The following RPS6KC1 variants were observed in gnomAD, a reference collection of about 807,000 sequenced individuals.
The protein encoded by RPS6KC1 is ribosomal protein S6 kinase C1.
Under a neutral mutation model 103.8 loss-of-function variants are expected in RPS6KC1, and 54 were observed. That is an observed-to-expected ratio of 0.52 (90% CI 0.42 to 0.65). RPS6KC1 has a LOEUF of 0.65. RPS6KC1 is among the 30% of genes least tolerant of loss of function. RPS6KC1 has a pLI of 0.00. For missense variants in RPS6KC1, 1,151 were observed against 1,253.8 expected (o/e 0.92, Z 1.24); for synonymous variants, 439 against 438.7 (o/e 1.00, Z -0.01).
At chr1:213,492,646 T>C in the RPS6KC1 span, 1 of 152,264 alleles carries the variant, frequency 6.6e-6, no homozygotes, top group Non-Finnish European at 1.5e-5. Flanking sequence ...GAATGTCATA[T>C]AATAGGCATC....
intron 5 of RPS6KC1, among the ~76,000 whole-genome samples, chr1:213,127,420 T>C (rs558773197): frequency 1.4e-4 from 21 of 152,308 alleles, no homozygotes; most frequent in African/African-American, 5.0e-4. Context: ...CTTTTTAATA[T>C]GCTGTGTGAA....
At chr1:213,468,622 C>T in the RPS6KC1 span, among the ~76,000 whole-genome samples, 1 of 152,076 alleles carries the variant, frequency 6.6e-6, no homozygotes, top group East Asian at 1.9e-4. Context: ...TGAAGAACAT[C>T]TGTCTGAGGT....
chr1:213,658,812 C>T, the RPS6KC1 span, among the ~76,000 whole-genome samples: 3 of 152,160 alleles, frequency 2.0e-5, no homozygotes, highest in East Asian at 5.8e-4. Context: ...TTTCTCATCC[C>T]CTACTTTGCT....
chr1:213,302,547 C>T, the RPS6KC1 span, among the ~76,000 whole-genome samples: 2 of 152,214 alleles, frequency 1.3e-5, no homozygotes, highest in African/African-American at 4.8e-5. Flanking sequence ...ATTTGTAATA[C>T]TTACATTCCT....
At chr1:213,549,943 A>T in the RPS6KC1 span, among the ~76,000 whole-genome samples, 1 of 152,068 alleles carries the variant, frequency 6.6e-6, no homozygotes, top group African/African-American at 2.4e-5. Context: ...CTTCTAGGGT[A>T]TTCAGGCCAG....
At chr1:213,579,472 G>T in the RPS6KC1 span, among the ~76,000 whole-genome samples, 1 of 152,192 alleles carries the variant, frequency 6.6e-6, no homozygotes, top group East Asian at 1.9e-4. Context: ...TGATGCAGAA[G>T]TTGTTAAGTT....
At chr1:213,167,472 AC>A (rs1558462352) in intron 6 of RPS6KC1, among the ~76,000 whole-genome samples, 22 of 145,186 alleles carry the variant, frequency 1.5e-4, no homozygotes, top group African/African-American at 3.8e-4. Flanking sequence ...ACACACACAC[AC>A]ACACACACAC....
At chr1:213,469,409 C>G in the RPS6KC1 span, among the ~76,000 whole-genome samples, 2 of 152,076 alleles carry the variant, frequency 1.3e-5, no homozygotes, top group African/African-American at 4.8e-5. Context: ...CATATATATG[C>G]CTATCCATCC....
the RPS6KC1 span, among the ~76,000 whole-genome samples, chr1:213,405,244 T>C: frequency 6.6e-6 from 1 of 152,260 alleles, no homozygotes; most frequent in South Asian, 2.1e-4. Flanking sequence ...GGCATTGGGA[T>C]ACGGAGGATA....
At chr1:213,768,964 G>A in the RPS6KC1 span, among the ~76,000 whole-genome samples, 1 of 152,206 alleles carries the variant, frequency 6.6e-6, no homozygotes, top group East Asian at 1.9e-4. Flanking sequence ...GTGAAGATAA[G>A]CCCCGTTCAC....
At chr1:213,184,076 C>T (rs1212509911) in intron 8 of RPS6KC1, among the ~76,000 whole-genome samples, 2 of 152,052 alleles carry the variant, frequency 1.3e-5, no homozygotes, top group African/African-American at 2.4e-5. Context: ...ATTTGAATGG[C>T]TCTTTAACTA....
the RPS6KC1 span, among the ~76,000 whole-genome samples, chr1:213,451,849 A>C: frequency 6.6e-6 from 1 of 152,102 alleles, no homozygotes; most frequent in African/African-American, 2.4e-5. Context: ...TCCCGGATGG[A>C]AGGCTCGCCT....
At chr1:213,355,387 G>C in the RPS6KC1 span, among the ~76,000 whole-genome samples, 1 of 152,098 alleles carries the variant, frequency 6.6e-6, no homozygotes, top group Admixed American at 6.5e-5. Context: ...TTGCAGAATC[G>C]GGAGCTGTAG....
chr1:213,473,947 A>C, the RPS6KC1 span, among the ~76,000 whole-genome samples: 1 of 152,160 alleles, frequency 6.6e-6, no homozygotes, highest in Non-Finnish European at 1.5e-5. Flanking sequence ...GGAGTCACTG[A>C]CCTTAGACCT....
chr1:213,416,827 G>T, the RPS6KC1 span, among the ~76,000 whole-genome samples: 1 of 152,144 alleles, frequency 6.6e-6, no homozygotes, highest in African/African-American at 2.4e-5. Flanking sequence ...CTTGAAGAGG[G>T]ACTGGGGTCT....
At chr1:213,643,331 G>A in the RPS6KC1 span, among the ~76,000 whole-genome samples, 1 of 151,526 alleles carries the variant, frequency 6.6e-6, no homozygotes, top group African/African-American at 2.4e-5. Flanking sequence ...AAGCTTTATA[G>A]TCCTTTTTTT....
the RPS6KC1 span, among the ~76,000 whole-genome samples, chr1:213,423,130 G>A: frequency 6.6e-6 from 1 of 152,198 alleles, no homozygotes; most frequent in East Asian, 1.9e-4. Flanking sequence ...CACATGACCT[G>A]CTCCTTTTCC....
intron 8 of RPS6KC1, among the ~76,000 whole-genome samples, chr1:213,216,092 A>G (rs2093651432): frequency 6.6e-6 from 1 of 152,250 alleles, no homozygotes; most frequent in East Asian, 1.9e-4. Context: ...CAAATTGGAT[A>G]AAGAGTCAAG....
At chr1:213,421,610 C>A in the RPS6KC1 span, among the ~76,000 whole-genome samples, 2 of 152,224 alleles carry the variant, frequency 1.3e-5, no homozygotes, top group African/African-American at 4.8e-5. Context: ...GATGGTGGAA[C>A]CCACCACCCC....
Sources: gnomAD v4.1 joint callset for allele counts (sites outside exome capture counted in the v4.1 genomes callset) on GRCh38, gnomAD v4.1.1 for gene constraint, MANE v1.5 for transcripts, NCBI Gene and HGNC (gene_info 2026-07-23, HGNC 2026-07-21) for gene names.